The following SAMD12 variants were observed in gnomAD, a reference collection of about 807,000 sequenced individuals.
SAMD12 encodes sterile alpha motif domain containing 12, also known as sterile alpha motif domain-containing protein 12.
Under a neutral mutation model 15.0 loss-of-function variants are expected in SAMD12, and 9 were observed. That is an observed-to-expected ratio of 0.60 (90% CI 0.36 to 1.05). The LOEUF is 1.05. Among genes scored for constraint, SAMD12 ranks in the 50% least tolerant of loss-of-function variants. The probability of loss-of-function intolerance (pLI) is 0.01; values close to 1 mark genes in which losing one functional copy is unlikely to be tolerated. For synonymous variants in SAMD12, 86 were observed against 90.1 expected, an observed-to-expected ratio of 0.96 and a Z score of 0.25; for missense variants, 230 against 234.2, an observed-to-expected ratio of 0.98 and a Z score of 0.12.
At chr8:118,373,669 C>T (rs1215175185), downstream of SAMD12, among the ~76,000 whole-genome samples, 2 of 152,108 alleles carry the variant, frequency 1.3e-5, no homozygotes, top group Non-Finnish European at 2.9e-5. Context: ...GGTAAACAAA[C>T]ATACTATTCT....
chr8:118,245,641 C>T (rs1213219894), intron 4 of SAMD12, among the ~76,000 whole-genome samples: 1 of 152,064 alleles, frequency 6.6e-6, no homozygotes, highest in African/African-American at 2.4e-5. Flanking sequence ...TGGTTATACT[C>T]TTTCTTTTAT....
chr8:118,519,631 G>T (rs555499987), intron 2 of SAMD12, among the ~76,000 whole-genome samples: 1 of 152,090 alleles, frequency 6.6e-6, no homozygotes, highest in African/African-American at 2.4e-5. Flanking sequence ...TTGGATGATC[G>T]TATCTTTGAG....
intron 2 of SAMD12, among the ~76,000 whole-genome samples, chr8:118,549,438 T>C (rs1452910193): frequency 1.3e-5 from 2 of 152,222 alleles, no homozygotes; most frequent in Non-Finnish European, 2.9e-5. Flanking sequence ...AGTGGACCTC[T>C]AGCAAACTCC....
intron 4 of SAMD12, among the ~76,000 whole-genome samples, chr8:118,251,799 C>T (rs1246326050): frequency 6.6e-6 from 1 of 152,064 alleles, no homozygotes; most frequent in African/African-American, 2.4e-5. Flanking sequence ...CTCACTGATA[C>T]AGAACAAGGT....
At position 118,544,120 on chromosome 8, in the gene SAMD12, T is replaced by C. The variant is rs183719827; in HGVS notation, c.192+36595A>G. ...GTTTAGGCGAGTCCGTCGGCTCTTC[T>C]CCAAATGGCAATACTCATTCCAACC... On this transcript the variant is annotated intron_variant, in intron 2 of 3. Coordinates refer to ENST00000314727, the MANE Select transcript of SAMD12 (RefSeq NM_207506.3). Among the ~76,000 whole-genome samples, 123 of 152,216 alleles carry C rather than the reference T, an allele frequency of 8.1e-4. 2 individuals are homozygous for C. In the East Asian group the frequency reaches 0.02, roughly 25 times the overall value.
the SAMD12 span, among the ~76,000 whole-genome samples, chr8:118,162,803 C>T: frequency 6.6e-6 from 1 of 152,104 alleles, no homozygotes; most frequent in South Asian, 2.1e-4. Context: ...TTATGAAATG[C>T]AGAATTGAGC....
intron 2 of SAMD12, among the ~76,000 whole-genome samples, chr8:118,502,447 A>G (rs2131043804): frequency 6.6e-6 from 1 of 152,312 alleles, no homozygotes; most frequent in South Asian, 2.1e-4. Flanking sequence ...ACAAAAAAAA[A>G]TCATTTACAA....
At chr8:118,163,583 T>TG in the SAMD12 span, among the ~76,000 whole-genome samples, 8 of 151,874 alleles carry the variant, frequency 5.3e-5, no homozygotes, top group Admixed American at 2.0e-4. Flanking sequence ...GAGCAAAACC[T>TG]GGGGAGCTTC....
At chr8:118,374,256 C>T (rs995754729), downstream of SAMD12, among the ~76,000 whole-genome samples, 1 of 151,976 alleles carries the variant, frequency 6.6e-6, no homozygotes, top group Non-Finnish European at 1.5e-5. Context: ...TTTTGTGACT[C>T]GCTTATTTTG....
chr8:118,351,471 T>G (rs1395377535), intron 4 of SAMD12, among the ~76,000 whole-genome samples: 4 of 151,964 alleles, frequency 2.6e-5, no homozygotes, highest in East Asian at 1.9e-4. Flanking sequence ...CAGTAGGGAG[T>G]GGCAGAACTT....
chr8:118,510,744 C>T (rs1415097868), intron 2 of SAMD12, among the ~76,000 whole-genome samples: 1 of 152,154 alleles, frequency 6.6e-6, no homozygotes, highest in Non-Finnish European at 1.5e-5. Flanking sequence ...CTCTCTACCC[C>T]CTCAAAATGC....
intron 1 of SAMD12, among the ~76,000 whole-genome samples, chr8:118,582,052 T>C (rs1258021977): frequency 6.6e-6 from 1 of 152,194 alleles, no homozygotes; most frequent in Non-Finnish European, 1.5e-5. Context: ...ATTTAGGCCA[T>C]AGTTTCCTCT....
At chr8:118,450,872 C>T (rs1823059857) in intron 2 of SAMD12, among the ~76,000 whole-genome samples, 1 of 152,074 alleles carries the variant, frequency 6.6e-6, no homozygotes, top group Non-Finnish European at 1.5e-5. Context: ...TCTTCTTTTG[C>T]TTTTCTGAAA....
At chr8:118,524,575 C>A (rs905436966) in intron 2 of SAMD12, among the ~76,000 whole-genome samples, 2 of 152,122 alleles carry the variant, frequency 1.3e-5, no homozygotes, top group African/African-American at 4.8e-5. Context: ...CAAATATATA[C>A]CTGCGGCCTG....
intron 2 of SAMD12, among the ~76,000 whole-genome samples, chr8:118,527,214 C>T (rs1825558314): frequency 6.6e-6 from 1 of 152,160 alleles, no homozygotes; most frequent in South Asian, 2.1e-4. Flanking sequence ...AGTATCAACC[C>T]TCCAAACTAC....
At chr8:118,197,634 T>TG (rs1819602149) in exon 5 of SAMD12, 1 of 1,200,910 alleles carries the variant, frequency 8.3e-7, no homozygotes, top group African/African-American at 1.5e-5. Flanking sequence ...GGCAGTGCCA[T>TG]GGGTTAGTCT....
intron 2 of SAMD12, among the ~76,000 whole-genome samples, chr8:118,503,157 T>G (rs1471904563): frequency 3.9e-5 from 6 of 152,156 alleles, no homozygotes; most frequent in African/African-American, 1.4e-4. Context: ...AAAAAACAAT[T>G]TTATATAATT....
At chr8:118,424,723 A>T (rs1340458369) in intron 3 of SAMD12, among the ~76,000 whole-genome samples, 1 of 152,156 alleles carries the variant, frequency 6.6e-6, no homozygotes, top group Non-Finnish European at 1.5e-5. Context: ...AGGATTGTAA[A>T]TATCATCAAT....
intron 4 of SAMD12, among the ~76,000 whole-genome samples, chr8:118,357,321 T>C (rs958382321): frequency 1.3e-5 from 2 of 152,234 alleles, no homozygotes; most frequent in Non-Finnish European, 2.9e-5. Context: ...CACTGCAACC[T>C]CTGCCTCTTG....
Sources: allele counts gnomAD v4.1 joint callset (sites outside exome capture counted in the v4.1 genomes callset), GRCh38; gene constraint gnomAD v4.1.1; transcripts MANE v1.5; gene names NCBI Gene and HGNC (gene_info 2026-07-23, HGNC 2026-07-21).